The following NCALD variants were observed in gnomAD, a reference collection of about 807,000 sequenced individuals.
NCALD encodes neurocalcin-delta.
A neutral mutation model predicts 18.6 loss-of-function variants in NCALD; 10 were observed. The ratio of observed to expected loss-of-function variants is 0.54; its 90% CI spans 0.33 to 0.91. The LOEUF (loss-of-function observed/expected upper bound fraction) is 0.91. NCALD is among the 40% of genes least tolerant of loss of function. The probability of loss-of-function intolerance (pLI) is 0.03; values close to 1 mark genes in which losing one functional copy is unlikely to be tolerated. For synonymous variants in NCALD, 88 were observed against 87.4 expected, an observed-to-expected ratio of 1.01 and a Z score of -0.04; for missense variants, 184 against 247.6, an observed-to-expected ratio of 0.74 and a Z score of 1.72.
chr8:101,958,918 G>A (rs780700803), intron 2 of NCALD, among the ~76,000 whole-genome samples: 3 of 152,130 alleles, frequency 2.0e-5, no homozygotes, highest in Non-Finnish European at 2.9e-5. Context: ...CATTTGAGCC[G>A]TTTGAAAGTA....
chr8:101,988,858 G>A (rs72679080), intron 2 of NCALD, among the ~76,000 whole-genome samples: 1,661 of 147,550 alleles, frequency 0.011, 17 homozygotes, highest in Middle Eastern at 0.042. Flanking sequence ...CATGGGCCTT[G>A]GGGAAGATGG....
chr8:102,015,138 G>C (rs994130263), intron 2 of NCALD, among the ~76,000 whole-genome samples: 1 of 152,068 alleles, frequency 6.6e-6, no homozygotes, highest in East Asian at 1.9e-4. Flanking sequence ...CTTTCATTGT[G>C]TACTCCTCTT....
intron 2 of NCALD, among the ~76,000 whole-genome samples, chr8:101,935,672 G>C (rs1818734049): frequency 6.6e-6 from 1 of 152,030 alleles, no homozygotes; most frequent in Non-Finnish European, 1.5e-5. Context: ...TGAGTGGAGT[G>C]GGTTGCAGAG....
At chr8:101,934,144 G>T (rs1254307798) in intron 2 of NCALD, among the ~76,000 whole-genome samples, 1 of 152,142 alleles carries the variant, frequency 6.6e-6, no homozygotes, top group East Asian at 1.9e-4. Context: ...TAGGTGCAGG[G>T]ATACAAAAAT....
chr8:102,121,875 G>A (rs1563636089), intron 1 of NCALD, among the ~76,000 whole-genome samples: 1 of 152,128 alleles, frequency 6.6e-6, no homozygotes, highest in Admixed American at 6.5e-5. Flanking sequence ...ATAAAGCTTG[G>A]TTTGGTCCTC....
chr8:101,976,908 G>GCCCCT (rs1271015453), intron 2 of NCALD, among the ~76,000 whole-genome samples: 1 of 152,242 alleles, frequency 6.6e-6, no homozygotes, highest in African/African-American at 2.4e-5. Flanking sequence ...GAGCATCCAA[G>GCCCCT]GCAAAGGGGC....
In NCALD at chr8:101,780,484, G is replaced by C. The variant is rs552639811; in HGVS notation, c.-20+10378C>G. 4.1e-4 allele frequency among the ~76,000 whole-genome samples: 62 copies of C among 152,284 alleles called. 1 individual carries two copies. Among genetic ancestry groups the C allele is most frequent in the African/African-American group, 1.5e-3 (61 of 41,562 alleles). ...TAGTTGAATAGCTTATGCAAGAGAA[G>C]AGGAAGGACAGGTTTATTTTAAATT... On this transcript the variant is annotated intron_variant, in intron 1 of 3. Coordinates refer to ENST00000220931, the MANE Select transcript of NCALD (RefSeq NM_032041.3).
At chr8:101,726,445 C>T (rs920973520) in intron 1 of NCALD, among the ~76,000 whole-genome samples, 3 of 151,952 alleles carry the variant, frequency 2.0e-5, no homozygotes, top group Non-Finnish European at 4.4e-5. Flanking sequence ...ATTCCAGGTA[C>T]TGCTTGAAGG....
chr8:101,780,878 GACTCTA>G (rs1563762635), intron 1 of NCALD, among the ~76,000 whole-genome samples: 1 of 152,022 alleles, frequency 6.6e-6, no homozygotes, highest in Non-Finnish European at 1.5e-5. Flanking sequence ...TGCTGTTTGT[GACTCTA>G]ACAAAATACC....
At chr8:101,715,636 C>T (rs1816042482) in intron 2 of NCALD, among the ~76,000 whole-genome samples, 2 of 151,990 alleles carry the variant, frequency 1.3e-5, no homozygotes, top group Non-Finnish European at 2.9e-5. Flanking sequence ...AAAAACAACC[C>T]CATCAAAAAC....
chr8:102,028,100 T>C (rs973593799), intron 1 of NCALD, among the ~76,000 whole-genome samples: 1 of 152,236 alleles, frequency 6.6e-6, no homozygotes, highest in African/African-American at 2.4e-5. Flanking sequence ...GGTGTAATAA[T>C]GATACTGTTT....
chr8:101,978,383 G>A (rs962238103), intron 2 of NCALD, among the ~76,000 whole-genome samples: 3 of 152,034 alleles, frequency 2.0e-5, no homozygotes, highest in African/African-American at 7.2e-5. Flanking sequence ...ACGGATTAAG[G>A]GTCAGATCCT....
chr8:102,055,178 C>T (rs1823606549), intron 1 of NCALD, among the ~76,000 whole-genome samples: 1 of 151,584 alleles, frequency 6.6e-6, no homozygotes, highest in African/African-American at 2.4e-5. Flanking sequence ...CACAAAGGCG[C>T]CACTCGGTGA....
chr8:101,791,147 T>C (rs1000970995), upstream of NCALD, among the ~76,000 whole-genome samples: 1 of 152,200 alleles, frequency 6.6e-6, no homozygotes, highest in Non-Finnish European at 1.5e-5. Context: ...AGTATGTGTG[T>C]ACGCACACAC....
At chr8:101,692,721 C>G (rs766852300) in intron 3 of NCALD, 70 bp downstream of exon 3, 161 of 1,496,102 alleles carry the variant, frequency 1.1e-4, no homozygotes, top group Non-Finnish European at 1.5e-4. Context: ...AGTGGCACTT[C>G]CCAGTCTGGA....
intron 2 of NCALD, among the ~76,000 whole-genome samples, chr8:101,920,335 TAAAAC>T (rs1262448849): frequency 2.0e-5 from 3 of 152,134 alleles, no homozygotes; most frequent in African/African-American, 7.2e-5. Context: ...AGAAAGTTCT[TAAAAC>T]AGAACTACCA....
chr8:101,848,647 A>C (rs1814969154), intron 4 of NCALD, among the ~76,000 whole-genome samples: 1 of 152,200 alleles, frequency 6.6e-6, no homozygotes, highest in Non-Finnish European at 1.5e-5. Context: ...TTGAAAGTTA[A>C]AGTTTCTCTA....
At chr8:101,755,548 C>T (rs1468409192) in intron 1 of NCALD, among the ~76,000 whole-genome samples, 1 of 152,172 alleles carries the variant, frequency 6.6e-6, no homozygotes, top group African/African-American at 2.4e-5. Flanking sequence ...CCTATCTTCT[C>T]CTGTCTCTCA....
chr8:101,831,076 C>T (rs1008139232), intron 4 of NCALD, among the ~76,000 whole-genome samples: 3 of 152,060 alleles, frequency 2.0e-5, no homozygotes, highest in African/African-American at 7.2e-5. Context: ...ATAAAACAGA[C>T]ACGATATGGC....
Sources: allele counts gnomAD v4.1 joint callset (sites outside exome capture counted in the v4.1 genomes callset), GRCh38; gene constraint gnomAD v4.1.1; transcripts MANE v1.5; gene names NCBI Gene and HGNC (gene_info 2026-07-23, HGNC 2026-07-21).